MAGI2: variants seen among roughly 807,000 people sequenced by gnomAD.
MAGI2 encodes the protein membrane-associated guanylate kinase, WW and PDZ domain-containing protein 2.
In MAGI2, 35 loss-of-function variants were observed where a neutral mutation model predicts 133.3. The ratio of observed to expected loss-of-function variants is 0.26; its 90% CI spans 0.20 to 0.35. The LOEUF is 0.35. MAGI2 is among the 10% of genes least tolerant of loss of function. The pLI is 1.00. For missense variants in MAGI2, 1,636 were observed against 1,863.4 expected (o/e 0.88, Z 2.25); for synonymous variants, 729 against 710.6 (o/e 1.03, Z -0.41).
intron 9 of MAGI2, among the ~76,000 whole-genome samples, chr7:78,262,608 CAATAA>C (rs1793618632): frequency 6.6e-6 from 1 of 152,230 alleles, no homozygotes; most frequent in South Asian, 2.1e-4. Context: ...CCAGGTATGC[CAATAA>C]CTAGTGGTAT....
chr7:78,978,159 G>T (rs1378590087), intron 2 of MAGI2, among the ~76,000 whole-genome samples: 1 of 151,750 alleles, frequency 6.6e-6, no homozygotes, highest in Non-Finnish European at 1.5e-5. Context: ...TTGGCAATTG[G>T]AGTTCTAGGC....
intron 3 of MAGI2, chr7:78,615,331 T>G (rs1231974175): frequency 1.3e-5 from 2 of 152,238 alleles, no homozygotes; most frequent in African/African-American, 2.4e-5. Context: ...CCAACTGCCC[T>G]TGTTGCAATG....
intron 2 of MAGI2, among the ~76,000 whole-genome samples, chr7:78,798,937 A>G (rs1476580687): frequency 6.6e-6 from 1 of 152,166 alleles, no homozygotes; most frequent in Non-Finnish European, 1.5e-5. Context: ...CATGGTTACT[A>G]CCTTGCAAGA....
intron 1 of MAGI2, among the ~76,000 whole-genome samples, 187 bp from the exon 2 acceptor site, chr7:79,007,393 C>T (rs1807566173): frequency 6.6e-6 from 1 of 152,140 alleles, no homozygotes; most frequent in Admixed American, 6.5e-5. Flanking sequence ...ACAATAATTG[C>T]CTGCCAAGTC....
At chr7:78,378,316 AAATAG>A (rs1237856685) in intron 6 of MAGI2, among the ~76,000 whole-genome samples, 1 of 152,002 alleles carries the variant, frequency 6.6e-6, no homozygotes, top group Non-Finnish European at 1.5e-5. Flanking sequence ...AAGAAGAAGA[AAATAG>A]AATAGAACTA....
chr7:78,589,960 T>C (rs1471069207), intron 3 of MAGI2, among the ~76,000 whole-genome samples: 2 of 152,200 alleles, frequency 1.3e-5, no homozygotes, highest in African/African-American at 4.8e-5. Context: ...TTTGGAAAGA[T>C]AATATTGACA....
intron 2 of MAGI2, among the ~76,000 whole-genome samples, chr7:78,627,919 C>T (rs1021047898): frequency 6.6e-6 from 1 of 152,154 alleles, no homozygotes. Flanking sequence ...CTCCCTTATG[C>T]GGCCTTCCTT....
intron 2 of MAGI2, among the ~76,000 whole-genome samples, chr7:78,844,883 T>C (rs575118382): frequency 6.6e-5 from 10 of 151,936 alleles, no homozygotes; most frequent in Non-Finnish European, 1.2e-4. Context: ...CTGAGGTGGC[T>C]ATGCTGAAAG....
At chr7:78,617,828 C>T (rs1807271377) in intron 3 of MAGI2, 1 of 151,914 alleles carries the variant, frequency 6.6e-6, no homozygotes, top group Non-Finnish European at 1.5e-5. Flanking sequence ...AATAAAGTAG[C>T]TACTTAGCAA....
At chr7:78,943,728 T>C (rs530046270) in intron 2 of MAGI2, among the ~76,000 whole-genome samples, 6 of 152,300 alleles carry the variant, frequency 3.9e-5, no homozygotes, top group Middle Eastern at 6.8e-3. Flanking sequence ...CAAGTAGCAT[T>C]TTGTTGCCTC....
chr7:78,094,649 A>G (rs2151226480), intron 20 of MAGI2, among the ~76,000 whole-genome samples: 1 of 152,290 alleles, frequency 6.6e-6, no homozygotes, highest in Middle Eastern at 3.4e-3. Context: ...AGGATATCAC[A>G]TTATTAATGT....
At chr7:78,021,358 G>A (rs569300094) in intron 21 of MAGI2, among the ~76,000 whole-genome samples, 4 of 152,280 alleles carry the variant, frequency 2.6e-5, no homozygotes, top group African/African-American at 9.6e-5. Context: ...TGGGTGCCAG[G>A]TGAGCCTCCC....
intron 2 of MAGI2, among the ~76,000 whole-genome samples, chr7:78,745,424 A>C (rs1215125174): frequency 2.0e-5 from 3 of 152,058 alleles, no homozygotes; most frequent in Non-Finnish European, 4.4e-5. Flanking sequence ...CAACTCTACT[A>C]TCCTGATTTG....
chr7:79,390,528 T>G (rs1053221268), intron 1 of MAGI2, among the ~76,000 whole-genome samples: 1 of 152,192 alleles, frequency 6.6e-6, no homozygotes, highest in Non-Finnish European at 1.5e-5. Context: ...GAAGGTTTTA[T>G]TTTCAGTATG....
At chr7:78,542,940 T>C (rs1798534085) in intron 3 of MAGI2, among the ~76,000 whole-genome samples, 1 of 152,192 alleles carries the variant, frequency 6.6e-6, no homozygotes, top group Admixed American at 6.5e-5. Context: ...GAAGTGTGCA[T>C]GTGTGTATGT....
intron 20 of MAGI2, among the ~76,000 whole-genome samples, chr7:78,088,045 G>A (rs1227327912): frequency 6.6e-6 from 1 of 152,214 alleles, no homozygotes. Flanking sequence ...ATTAGGTCAT[G>A]AAGTCAGTTT....
chr7:78,633,315 G>A (rs1197548128), intron 2 of MAGI2, among the ~76,000 whole-genome samples: 1 of 152,050 alleles, frequency 6.6e-6, no homozygotes, highest in Non-Finnish European at 1.5e-5. Context: ...TTAGTACCTG[G>A]GTGAGGAAAT....
chr7:78,671,278 T>TCC (rs1180544911), intron 2 of MAGI2, among the ~76,000 whole-genome samples: 6 of 60,254 alleles, frequency 1.0e-4, no homozygotes, highest in East Asian at 2.8e-4. Flanking sequence ...TGTCTCTCTC[T>TCC]CTCTTTTTTT....
chr7:78,941,346 C>A (rs928266739), intron 2 of MAGI2, among the ~76,000 whole-genome samples: 49 of 152,158 alleles, frequency 3.2e-4, no homozygotes, highest in African/African-American at 1.1e-3. Context: ...ATTTCTATTT[C>A]TTTTTGTATT....
Sources: allele counts gnomAD v4.1 joint callset (sites outside exome capture counted in the v4.1 genomes callset), GRCh38; gene constraint gnomAD v4.1.1; transcripts MANE v1.5; gene names NCBI Gene and HGNC (gene_info 2026-07-23, HGNC 2026-07-21).